KIAA1217: variants seen among roughly 807,000 people sequenced by gnomAD.
KIAA1217 encodes sickle tail protein homolog.
In KIAA1217, 88 loss-of-function variants were observed where a neutral mutation model predicts 163.9. That is an observed-to-expected ratio of 0.54 (90% CI 0.45 to 0.64). The LOEUF (loss-of-function observed/expected upper bound fraction) is 0.64, where lower values mean the gene tolerates loss of function less well. KIAA1217 is among the 30% of genes least tolerant of loss of function. The pLI is 0.00. For missense variants in KIAA1217, 2,372 were observed against 2,475.0 expected, an observed-to-expected ratio of 0.96 and a Z score of 0.88; for synonymous variants, 903 against 923.1, an observed-to-expected ratio of 0.98 and a Z score of 0.39.
chr10:24,538,614 AGGAAGGAAAAAGAGAGGAAGGAAAAAGAG>A (rs2074454195), intron 17 of KIAA1217, among the ~76,000 whole-genome samples: 1 of 32,150 alleles, frequency 3.1e-5, no homozygotes. Flanking sequence ...GGAAAAAGAG[AGGAAGGAAAAAGAGAGGAAGGAAAAAGAG>A]AGGAAGGGAG....
intron 1 of KIAA1217, among the ~76,000 whole-genome samples, chr10:24,003,584 G>T (rs911158522): frequency 1.3e-5 from 2 of 152,202 alleles, no homozygotes; most frequent in African/African-American, 4.8e-5. Flanking sequence ...ATGCAGCCAA[G>T]TTGAATTTCT....
chr10:24,378,594 T>C (rs1352908795), intron 2 of KIAA1217, among the ~76,000 whole-genome samples: 2 of 152,004 alleles, frequency 1.3e-5, no homozygotes, highest in South Asian at 4.1e-4. Context: ...TGGTCCACTT[T>C]TACCCATGGT....
intron 2 of KIAA1217, among the ~76,000 whole-genome samples, chr10:24,365,441 C>T (rs188830762): frequency 3.9e-5 from 6 of 151,910 alleles, no homozygotes; most frequent in Admixed American, 3.3e-4. Flanking sequence ...TCAAATCTAT[C>T]ATCCTGTTTT....
At chr10:23,866,416 C>G (rs1840187538) in intron 1 of KIAA1217, among the ~76,000 whole-genome samples, 1 of 152,140 alleles carries the variant, frequency 6.6e-6, no homozygotes, top group Non-Finnish European at 1.5e-5. Context: ...ATTTTAGCAA[C>G]TTTCTCTGTT....
intron 3 of KIAA1217, among the ~76,000 whole-genome samples, chr10:24,427,036 T>C (rs1466081736): frequency 6.6e-6 from 1 of 152,158 alleles, no homozygotes; most frequent in Non-Finnish European, 1.5e-5. Context: ...GCACCCTGCT[T>C]TTTGTAAAAT....
At chr10:24,104,843 A>C (rs957486919) in intron 2 of KIAA1217, among the ~76,000 whole-genome samples, 9 of 152,224 alleles carry the variant, frequency 5.9e-5, no homozygotes, top group African/African-American at 2.2e-4. Context: ...GTGATTTAAA[A>C]ATTTTATCTG....
intron 2 of KIAA1217, among the ~76,000 whole-genome samples, chr10:24,063,611 T>A (rs1011176710): frequency 3.9e-5 from 6 of 152,238 alleles, no homozygotes; most frequent in Non-Finnish European, 8.8e-5. Context: ...TAGGATTGAC[T>A]TGGCAATGTG....
Position 24,524,554 on chromosome 10 carries a change from C to T in KIAA1217, c.2688C>T (p.Pro896=), listed in dbSNP as rs2071797041. 6.2e-7 allele frequency: 1 copy of T among 1,613,802 alleles called. No homozygotes were observed. Among genetic ancestry groups the T allele is most frequent in the African/African-American group, 1.3e-5 (1 of 74,942 alleles). Residue 896 remains proline (P), a synonymous_variant, in exon 13 of 21, where the codon CCC becomes CCT. Transcript: ENST00000376454. Reference sequence around the variant, plus strand: ...AGAGCTCCCCTGTGGTCATCCAGCCCTCCCAGCACTCCGTGGCCCTGCTGA... The same window carrying T: ...AGAGCTCCCCTGTGGTCATCCAGCCTTCCCAGCACTCCGTGGCCCTGCTGA... ...HAQSSPVVIQ[P]SQHSVALLNP... is the part of the protein sequence containing the mutation.
At chr10:24,188,815 A>T (rs528905366) in intron 2 of KIAA1217, among the ~76,000 whole-genome samples, 1 of 152,254 alleles carries the variant, frequency 6.6e-6, no homozygotes, top group East Asian at 1.9e-4. Flanking sequence ...TCAAAGCTTC[A>T]TATTCCTCGG....
intron 2 of KIAA1217, among the ~76,000 whole-genome samples, chr10:24,292,765 C>T (rs1428182441): frequency 5.9e-5 from 9 of 151,976 alleles, no homozygotes; most frequent in Admixed American, 3.9e-4. Flanking sequence ...TGAAGGTAAA[C>T]GCTTAGGATA....
At chr10:23,884,246 A>G (rs1841078253) in intron 1 of KIAA1217, among the ~76,000 whole-genome samples, 1 of 151,864 alleles carries the variant, frequency 6.6e-6, no homozygotes, top group Non-Finnish European at 1.5e-5. Context: ...GAGAGTTCCT[A>G]TTGCTCCACA....
chr10:24,226,562 A>C (rs970523022), intron 2 of KIAA1217, among the ~76,000 whole-genome samples: 1 of 152,022 alleles, frequency 6.6e-6, no homozygotes, highest in Non-Finnish European at 1.5e-5. Flanking sequence ...GAATTGCTTG[A>C]ACCCAGGAGG....
intron 13 of KIAA1217, among the ~76,000 whole-genome samples, chr10:24,527,404 TTGAG>T (rs1257116396): frequency 1.4e-5 from 2 of 147,730 alleles, no homozygotes; most frequent in African/African-American, 4.9e-5. Flanking sequence ...TTTTTTTTAA[TTGAG>T]TGAGACTCAT....
Position 23,899,967 on chromosome 10 carries a change from TG to T in KIAA1217, c.-320-107257del, listed in dbSNP as rs747667894. The stretch of plus-strand genomic sequence containing the variant: ...TCCTCTCTCTCTTTCTCTCTCCCTC[TG>T]TCTCTTCCTTCCTCTCTCCCTCCTT... On this transcript the variant is annotated intron_variant, in intron 1 of 18. Coordinates refer to the KIAA1217 transcript ENST00000376462. Among the ~76,000 whole-genome samples, 1,074 of 151,656 alleles carry T rather than the reference TG, an allele frequency of 7.1e-3. 6 individuals are homozygous for T. The highest frequency in any genetic ancestry group is 0.012 in the Non-Finnish European group (836 of 67,796).
chr10:24,320,369 C>G (rs2043983137), intron 2 of KIAA1217, among the ~76,000 whole-genome samples: 2 of 152,212 alleles, frequency 1.3e-5, no homozygotes, highest in African/African-American at 4.8e-5. Flanking sequence ...TCTCCGCAGT[C>G]TGTTGTGAAC....
intron 3 of KIAA1217, among the ~76,000 whole-genome samples, chr10:24,393,815 G>C (rs1432653018): frequency 6.6e-6 from 1 of 152,158 alleles, no homozygotes; most frequent in African/African-American, 2.4e-5. Flanking sequence ...CCACACAGCT[G>C]ACACCTTGAT....
At chr10:23,775,470 C>A (rs997228481) in intron 1 of KIAA1217, among the ~76,000 whole-genome samples, 1 of 152,116 alleles carries the variant, frequency 6.6e-6, no homozygotes. Context: ...GGAGGTGTCT[C>A]TTAAGACACC....
chr10:24,514,646 C>A (rs1478903179), intron 10 of KIAA1217, among the ~76,000 whole-genome samples: 1 of 152,080 alleles, frequency 6.6e-6, no homozygotes, highest in African/African-American at 2.4e-5. Context: ...TTGTGACAGC[C>A]CAATTATCTA....
intron 1 of KIAA1217, among the ~76,000 whole-genome samples, chr10:24,219,289 T>C (rs2069257104): frequency 6.6e-6 from 1 of 152,108 alleles, no homozygotes; most frequent in Admixed American, 6.5e-5. Flanking sequence ...AATTTTAATT[T>C]TTTGTAGAGA....
Sources: gnomAD v4.1 joint callset for allele counts (sites outside exome capture counted in the v4.1 genomes callset) on GRCh38, gnomAD v4.1.1 for gene constraint, MANE v1.5 for transcripts, NCBI Gene and HGNC (gene_info 2026-07-23, HGNC 2026-07-21) for gene names.